Variants in SPRY3 observed in about 807,000 individuals in gnomAD.
The protein encoded by SPRY3 is protein sprouty homolog 3.
In SPRY3, 15 loss-of-function variants were observed where a neutral mutation model predicts 20.2. The ratio of observed to expected loss-of-function variants is 0.74; its 90% CI spans 0.50 to 1.14. The LOEUF is 1.14. Among genes scored for constraint, SPRY3 ranks in the 50% most tolerant of loss-of-function variants. The pLI is 0.00. For missense variants in SPRY3, 364 were observed against 363.9 expected, an observed-to-expected ratio of 1.00 and a Z score of 0.00; for synonymous variants, 143 against 136.5, an observed-to-expected ratio of 1.05 and a Z score of -0.33.
intron 2 of SPRY3, among the ~76,000 whole-genome samples, chrX:155,673,661 G>T (rs2068050931): frequency 8.9e-6 from 1 of 111,785 alleles, no homozygotes; most frequent in Admixed American, 9.5e-5. Context: ...GCCTTGCTTG[G>T]GCACCTCCTT....
At chrX:155,724,247 A>G (rs1173672657) in intron 2 of SPRY3, among the ~76,000 whole-genome samples, 1 of 152,166 alleles carries the variant, frequency 6.6e-6, no homozygotes, top group Non-Finnish European at 1.5e-5. Context: ...CTTTTGGCTT[A>G]GGATTGGCTT....
At chrX:155,652,004 G>A (rs2067978761) in intron 1 of SPRY3, among the ~76,000 whole-genome samples, 1 of 111,621 alleles carries the variant, frequency 9.0e-6, no homozygotes, top group Non-Finnish European at 1.9e-5. Flanking sequence ...CAGAGGGGAA[G>A]CAGGAACGTC....
chrX:155,665,275 T>A (rs148915445), intron 2 of SPRY3, among the ~76,000 whole-genome samples: 7 of 111,041 alleles, frequency 6.3e-5, no homozygotes, highest in Non-Finnish European at 1.3e-4. Context: ...TTGTTACTAA[T>A]TGTAAATTGG....
At chrX:155,688,800 C>CCCAGCATTCATTAGGTA (rs2068095506) in intron 2 of SPRY3, among the ~76,000 whole-genome samples, 9 of 60,506 alleles carry the variant, frequency 1.5e-4, no homozygotes, top group African/African-American at 1.0e-3. Context: ...TCACCTAGCT[C>CCCAGCATTCATTAGGTA]TTTTCCCTAA....
chrX:155,710,220 C>T (rs1472273729), intron 2 of SPRY3, among the ~76,000 whole-genome samples: 13 of 151,394 alleles, frequency 8.6e-5, no homozygotes, highest in South Asian at 6.2e-4. Context: ...TATTTTGATA[C>T]GGATTGCATT....
intron 2 of SPRY3, among the ~76,000 whole-genome samples, chrX:155,665,372 T>C (rs1194403051): frequency 9.0e-6 from 1 of 111,256 alleles, no homozygotes; most frequent in African/African-American, 3.3e-5. Flanking sequence ...TTGAAAATTG[T>C]ACATATGCAT....
chrX:155,659,443 C>A (rs893476756), intron 2 of SPRY3, among the ~76,000 whole-genome samples: 24 of 110,719 alleles, frequency 2.2e-4, no homozygotes, highest in Admixed American at 4.8e-4. Flanking sequence ...CCACACCCAG[C>A]CTTTATTTTT....
exon 4 of SPRY3, chrX:155,774,325 C>T (rs775484840): frequency 4.3e-5 from 69 of 1,613,906 alleles, no homozygotes; most frequent in South Asian, 2.4e-4. Flanking sequence ...GGAATGTGGG[C>T]GCTGCAAGTG....
At chrX:155,749,733 T>A (rs1303094631) in intron 2 of SPRY3, among the ~76,000 whole-genome samples, 1 of 151,834 alleles carries the variant, frequency 6.6e-6, no homozygotes, top group East Asian at 1.9e-4. Flanking sequence ...CCTGGGGAAC[T>A]AGAATAACTA....
At chrX:155,695,999 T>C (rs2068117305) in intron 2 of SPRY3, among the ~76,000 whole-genome samples, 1 of 111,033 alleles carries the variant, frequency 9.0e-6, no homozygotes, top group Admixed American at 9.7e-5. Flanking sequence ...GCTGTTTGTG[T>C]GTCCAGTAAT....
At chrX:155,716,760 G>T in intron 2 of SPRY3, among the ~76,000 whole-genome samples, 1 of 151,306 alleles carries the variant, frequency 6.6e-6, no homozygotes, top group Non-Finnish European at 1.5e-5. Context: ...ACAGCTCAGT[G>T]GTCAGCAAAT....
At chrX:155,709,884 T>A (rs1207664419) in intron 2 of SPRY3, among the ~76,000 whole-genome samples, 8 of 151,750 alleles carry the variant, frequency 5.3e-5, no homozygotes, top group Non-Finnish European at 8.9e-5. Context: ...CTTATGTATA[T>A]CCACTATTCC....
chrX:155,622,386 T>C (rs2067874263), intron 1 of SPRY3, among the ~76,000 whole-genome samples: 1 of 111,880 alleles, frequency 8.9e-6, no homozygotes, highest in South Asian at 3.7e-4. Flanking sequence ...GTGATTTGTC[T>C]TAATTAGAGT....
At chrX:155,737,913 A>T (rs1159789426) in intron 2 of SPRY3, among the ~76,000 whole-genome samples, 4 of 152,172 alleles carry the variant, frequency 2.6e-5, no homozygotes, top group Admixed American at 6.5e-5. Flanking sequence ...ATAAGAGTGT[A>T]TTTAACCTTA....
At chrX:155,708,513 G>T (rs945814751) in intron 2 of SPRY3, among the ~76,000 whole-genome samples, 7 of 151,146 alleles carry the variant, frequency 4.6e-5, no homozygotes, top group Non-Finnish European at 1.0e-4. Context: ...ATCTTATATG[G>T]CATTTGCTGA....
At chrX:155,757,916 A>G (rs1357138881) in intron 2 of SPRY3, among the ~76,000 whole-genome samples, 1 of 152,166 alleles carries the variant, frequency 6.6e-6, no homozygotes, top group South Asian at 2.1e-4. Context: ...CATCTCAGTA[A>G]ATGGAACAAC....
intron 2 of SPRY3, among the ~76,000 whole-genome samples, chrX:155,673,070 T>TGGGGG: frequency 7.9e-5 from 1 of 12,667 alleles, no homozygotes; most frequent in Admixed American, 1.2e-3. Context: ...TGTTGTGGGG[T>TGGGGG]GGGGTGAGGG....
intron 2 of SPRY3, among the ~76,000 whole-genome samples, chrX:155,749,131 C>G (rs977335742): frequency 6.6e-6 from 1 of 151,744 alleles, no homozygotes; most frequent in African/African-American, 2.4e-5. Flanking sequence ...TAAGCTTTTA[C>G]AAAAAAGGAA....
chrX:155,613,859 C>T (rs1179905814), intron 1 of SPRY3, among the ~76,000 whole-genome samples: 16 of 111,367 alleles, frequency 1.4e-4, no homozygotes, highest in Non-Finnish European at 2.6e-4. Context: ...TCAAGAGTAC[C>T]ACTTACTCTA....
Sources: allele counts gnomAD v4.1 joint callset (sites outside exome capture counted in the v4.1 genomes callset), GRCh38; gene constraint gnomAD v4.1.1; transcripts MANE v1.5; gene names NCBI Gene and HGNC (gene_info 2026-07-23, HGNC 2026-07-21).